Variants in PDE4D observed in about 807,000 individuals in gnomAD.
The protein encoded by PDE4D is 3',5'-cyclic-AMP phosphodiesterase 4D.
A neutral mutation model predicts 87.4 loss-of-function variants in PDE4D; 24 were observed. That is an observed-to-expected ratio of 0.27 (90% CI 0.20 to 0.39). The LOEUF (loss-of-function observed/expected upper bound fraction) is 0.39. Ranked by LOEUF, PDE4D falls within the 10% of genes least tolerant of loss-of-function variation. The probability of loss-of-function intolerance (pLI) is 1.00; values close to 1 mark genes in which losing one functional copy is unlikely to be tolerated. For missense variants in PDE4D, 714 were observed against 1,041.0 expected (o/e 0.69, Z 4.32); for synonymous variants, 384 against 383.2 (o/e 1.00, Z -0.02).
intron 6 of PDE4D, among the ~76,000 whole-genome samples, chr5:59,011,945 C>T (rs568973179): frequency 6.6e-6 from 1 of 152,232 alleles, no homozygotes; most frequent in African/African-American, 2.4e-5. Flanking sequence ...ATCAGACTTA[C>T]AGCTGATCTC....
intron 5 of PDE4D, among the ~76,000 whole-genome samples, chr5:59,066,910 G>A (rs1384067266): frequency 9.2e-5 from 14 of 152,148 alleles, no homozygotes; most frequent in Non-Finnish European, 1.8e-4. Context: ...CAAGTCTACC[G>A]TGCCTTGACC....
intron 1 of PDE4D, among the ~76,000 whole-genome samples, chr5:59,669,166 G>T (rs991430686): frequency 5.9e-5 from 9 of 152,092 alleles, no homozygotes; most frequent in African/African-American, 2.2e-4. Flanking sequence ...CACGATCTTG[G>T]CTCACTGCAA....
intron 1 of PDE4D, among the ~76,000 whole-genome samples, chr5:59,846,059 G>C (rs1041049472): frequency 6.6e-6 from 1 of 152,014 alleles, no homozygotes; most frequent in African/African-American, 2.4e-5. Context: ...ACTAAAGATA[G>C]GGGTTAAAAT....
At chr5:60,332,074 T>C (rs1279429627) in intron 1 of PDE4D, among the ~76,000 whole-genome samples, 1 of 152,222 alleles carries the variant, frequency 6.6e-6, no homozygotes, top group Non-Finnish European at 1.5e-5. Flanking sequence ...TGTGTGGATT[T>C]AAATAACTCT....
intron 4 of PDE4D, 81 bp from the exon 5 acceptor site, chr5:59,180,725 G>T: frequency 1.6e-6 from 2 of 1,253,366 alleles, no homozygotes; most frequent in Non-Finnish European, 2.3e-6. Flanking sequence ...TTCAGATATA[G>T]CATTTTACTT....
At chr5:59,394,351 A>G (rs1788885913) in intron 1 of PDE4D, among the ~76,000 whole-genome samples, 1 of 152,126 alleles carries the variant, frequency 6.6e-6, no homozygotes, top group African/African-American at 2.4e-5. Context: ...CAACCCTCTC[A>G]ATTCTCAAAG....
chr5:59,458,349 T>C (rs1372367684), intron 1 of PDE4D, among the ~76,000 whole-genome samples: 1 of 152,226 alleles, frequency 6.6e-6, no homozygotes, highest in Admixed American at 6.5e-5. Context: ...TAAATTTCAA[T>C]GACACTAACT....
chr5:59,253,927 C>T (rs984327542), intron 1 of PDE4D, among the ~76,000 whole-genome samples: 7 of 152,028 alleles, frequency 4.6e-5, no homozygotes, highest in East Asian at 1.9e-4. Context: ...ATAAGGCAAA[C>T]GAATTTTGAT....
intron 1 of PDE4D, among the ~76,000 whole-genome samples, chr5:59,705,214 G>C (rs1357682560): frequency 6.6e-6 from 1 of 152,124 alleles, no homozygotes; most frequent in East Asian, 1.9e-4. Flanking sequence ...GAGAAGAAGA[G>C]AGGCCAGAAA....
chr5:59,325,486 T>C (rs1775483845), intron 1 of PDE4D, among the ~76,000 whole-genome samples: 1 of 152,168 alleles, frequency 6.6e-6, no homozygotes, highest in Non-Finnish European at 1.5e-5. Context: ...CAGTAGTGTA[T>C]TAAACAGTGA....
intron 1 of PDE4D, among the ~76,000 whole-genome samples, chr5:60,296,774 A>C (rs1166457847): frequency 6.6e-6 from 1 of 152,218 alleles, no homozygotes; most frequent in Non-Finnish European, 1.5e-5. Context: ...AAAAAGAATG[A>C]GTTCATGTCC....
chr5:60,047,152 C>G (rs1297231727), intron 2 of PDE4D, among the ~76,000 whole-genome samples: 1 of 152,126 alleles, frequency 6.6e-6, no homozygotes, highest in Non-Finnish European at 1.5e-5. Context: ...AGTTTATTTG[C>G]GTAGAGGTGT....
chr5:60,235,944 A>G (rs921212694), intron 1 of PDE4D, among the ~76,000 whole-genome samples: 1 of 151,966 alleles, frequency 6.6e-6, no homozygotes, highest in Non-Finnish European at 1.5e-5. Context: ...ACACAAATAC[A>G]GCCAATTTAT....
At chr5:60,175,109 C>A (rs1464319088) in intron 2 of PDE4D, among the ~76,000 whole-genome samples, 1 of 150,742 alleles carries the variant, frequency 6.6e-6, no homozygotes, top group Admixed American at 6.6e-5. Context: ...CTGTTATGTT[C>A]TTTCTTTCTC....
chr5:60,200,484 C>T (rs1306401600), intron 1 of PDE4D, among the ~76,000 whole-genome samples: 1 of 145,300 alleles, frequency 6.9e-6, no homozygotes, highest in African/African-American at 2.4e-5. Context: ...TTCCCCACCT[C>T]ATTAATGGGA....
chr5:60,406,588 A>G (rs1741554672), intron 1 of PDE4D, among the ~76,000 whole-genome samples: 1 of 152,132 alleles, frequency 6.6e-6, no homozygotes, highest in African/African-American at 2.4e-5. Context: ...CCACATTCCT[A>G]AATTCCAGCT....
intron 1 of PDE4D, among the ~76,000 whole-genome samples, chr5:59,714,768 A>G (rs1754748273): frequency 6.6e-6 from 1 of 152,220 alleles, no homozygotes; most frequent in Non-Finnish European, 1.5e-5. Flanking sequence ...GGTCTTATTG[A>G]TAATATTATG....
chr5:59,329,911 T>C (rs1776403695), intron 1 of PDE4D, among the ~76,000 whole-genome samples: 1 of 152,226 alleles, frequency 6.6e-6, no homozygotes, highest in Non-Finnish European at 1.5e-5. Flanking sequence ...AAAAGTGTTT[T>C]CTTTTGCAGA....
At chr5:59,276,012 G>T in intron 1 of PDE4D, 1 of 984,088 alleles carries the variant, frequency 1.0e-6, no homozygotes, top group Non-Finnish European at 1.2e-6. Context: ...AGAATCCAGG[G>T]TTTTGTGAAT....
Sources: allele counts gnomAD v4.1 joint callset (sites outside exome capture counted in the v4.1 genomes callset), GRCh38; gene constraint gnomAD v4.1.1; transcripts MANE v1.5; gene names NCBI Gene and HGNC (gene_info 2026-07-23, HGNC 2026-07-21).